The following TMPRSS11F variants were observed in gnomAD, a reference collection of about 807,000 sequenced individuals.
TMPRSS11F encodes transmembrane protease serine 11F.
Under a neutral mutation model 60.2 loss-of-function variants are expected in TMPRSS11F, and 47 were observed. That is an observed-to-expected ratio of 0.78 (90% confidence interval 0.62 to 1.00). The LOEUF is 1.00. Among genes scored for constraint, TMPRSS11F ranks in the 50% least tolerant of loss-of-function variants. The pLI, the probability that TMPRSS11F is intolerant of heterozygous loss-of-function variation, is 0.00. For synonymous variants in TMPRSS11F, 166 were observed against 167.3 expected (o/e 0.99, Z 0.06); for missense variants, 519 against 522.9 (o/e 0.99, Z 0.07).
chr4:68,097,049 A>G (rs911512939), intron 2 of TMPRSS11F, among the ~76,000 whole-genome samples: 1 of 152,156 alleles, frequency 6.6e-6, no homozygotes, highest in Non-Finnish European at 1.5e-5. Context: ...AACTTTTGTC[A>G]TGGTCTACCT....
chr4:68,093,094 T>C (rs1472522310), intron 2 of TMPRSS11F, among the ~76,000 whole-genome samples: 1 of 152,180 alleles, frequency 6.6e-6, no homozygotes, highest in African/African-American at 2.4e-5. Flanking sequence ...AATTCAACAT[T>C]AAATAAGGTT....
chr4:68,065,520 C>T (rs1453643345), intron 7 of TMPRSS11F, among the ~76,000 whole-genome samples: 1 of 152,136 alleles, frequency 6.6e-6, no homozygotes, highest in African/African-American at 2.4e-5. Flanking sequence ...TCTTACTAGA[C>T]TTTCAGTTCT....
intron 1 of TMPRSS11F, among the ~76,000 whole-genome samples, chr4:68,113,460 A>T (rs1724451767): frequency 1.3e-5 from 2 of 152,012 alleles, no homozygotes; most frequent in South Asian, 4.1e-4. Flanking sequence ...AAAGTGAATC[A>T]CAACAAAAAG....
At chr4:68,122,540 T>C (rs1560413533) in intron 1 of TMPRSS11F, among the ~76,000 whole-genome samples, 1 of 152,186 alleles carries the variant, frequency 6.6e-6, no homozygotes, top group South Asian at 2.1e-4. Flanking sequence ...GAAACAATAG[T>C]TTTCTCAACA....
In TMPRSS11F at chr4:68,072,475, T is replaced by C. The variant is rs370912591; in HGVS notation, c.362A>G (p.Gln121Arg). The C allele has an allele frequency of 1.3e-6, 2 of 1,551,168 alleles. No homozygotes were observed. Among genetic ancestry groups the C allele is most frequent in the Non-Finnish European group, 1.7e-6 (2 of 1,145,168 alleles). ...SHVIKLSPDE[Q>R]GVDILIVLIF... ...GAGCACTATAAGAATATCCACACCT[T>C]GTTCATCTGGACTGAAGAACAAAAA... Residue 121 changes from glutamine (Q) to arginine (R), a missense_variant, in exon 5 of 10, where the codon CAA becomes CGA. By Grantham distance (43) the Gln-to-Arg change is conservative. Transcript: ENST00000356291.
At chr4:68,084,623 G>A (rs934434489) in intron 3 of TMPRSS11F, among the ~76,000 whole-genome samples, 2 of 152,178 alleles carry the variant, frequency 1.3e-5, no homozygotes, top group Admixed American at 6.5e-5. Context: ...AAGAGAATTC[G>A]TTACCACTAT....
intron 1 of TMPRSS11F, among the ~76,000 whole-genome samples, chr4:68,119,297 T>C (rs990393967): frequency 1.3e-5 from 2 of 152,116 alleles, no homozygotes; most frequent in African/African-American, 4.8e-5. Context: ...ACCATTTTCA[T>C]AACATAAGAG....
At chr4:68,062,015 A>T (rs1723189747) in intron 8 of TMPRSS11F, 1 of 453,406 alleles carries the variant, frequency 2.2e-6, no homozygotes, top group South Asian at 1.6e-5. Flanking sequence ...CAAAAGGAAC[A>T]TGTCTGAAAT....
chr4:68,102,036 A>G (rs1724202565), intron 1 of TMPRSS11F, among the ~76,000 whole-genome samples: 1 of 151,796 alleles, frequency 6.6e-6, no homozygotes, highest in African/African-American at 2.4e-5. Context: ...TGTATTTTTT[A>G]TTTTTTAAAA....
chr4:68,100,394 C>A (rs1724168514), intron 1 of TMPRSS11F, among the ~76,000 whole-genome samples: 1 of 152,072 alleles, frequency 6.6e-6, no homozygotes, highest in African/African-American at 2.4e-5. Context: ...GGGATTAAGG[C>A]AAGAGTGCAG....
At chr4:68,092,207 AT>A (rs1483016975) in intron 2 of TMPRSS11F, among the ~76,000 whole-genome samples, 2 of 124,412 alleles carry the variant, frequency 1.6e-5, no homozygotes, top group Non-Finnish European at 3.9e-5. Context: ...ATTTAAAAAC[AT>A]TTTTTAGATC....
intron 2 of TMPRSS11F, among the ~76,000 whole-genome samples, chr4:68,093,747 C>G (rs1226411304): frequency 6.6e-6 from 1 of 151,860 alleles, no homozygotes; most frequent in African/African-American, 2.4e-5. Flanking sequence ...AGGACATGAA[C>G]AGACACATCT....
At chr4:68,059,789 C>T (rs973888313) in intron 8 of TMPRSS11F, among the ~76,000 whole-genome samples, 2 of 152,276 alleles carry the variant, frequency 1.3e-5, no homozygotes, top group South Asian at 4.1e-4. Context: ...TAACATTGAT[C>T]TTGTCCAACT....
intron 6 of TMPRSS11F, 77 bp from the exon 7 acceptor site, chr4:68,068,896 A>G: frequency 6.8e-7 from 1 of 1,470,096 alleles, no homozygotes; most frequent in Admixed American, 1.7e-5. Context: ...TTGGTTATAG[A>G]CAATCCTTTG....
intron 8 of TMPRSS11F, among the ~76,000 whole-genome samples, chr4:68,061,512 A>C (rs1442129190): frequency 6.6e-6 from 1 of 152,250 alleles, no homozygotes; most frequent in African/African-American, 2.4e-5. Context: ...AATTGAAGTA[A>C]GAGTGAAGAT....
At chr4:68,067,816 G>T (rs1240665837) in intron 7 of TMPRSS11F, among the ~76,000 whole-genome samples, 1 of 152,206 alleles carries the variant, frequency 6.6e-6, no homozygotes, top group Non-Finnish European at 1.5e-5. Flanking sequence ...TTAATAAGGT[G>T]CAGGGTGCAG....
intron 5 of TMPRSS11F, among the ~76,000 whole-genome samples, chr4:68,070,389 A>G (rs1723431938): frequency 6.6e-6 from 1 of 152,176 alleles, no homozygotes; most frequent in Non-Finnish European, 1.5e-5. Flanking sequence ...ACCAACCTAT[A>G]TGGTTTAGGC....
In TMPRSS11F at chr4:68,091,794, T is replaced by TCTATCTATCTATCTAC. The variant is rs1285573438; in HGVS notation, c.164-1154_164-1153insGTAGATAGATAGATAG. Among the ~76,000 whole-genome samples, 546 of 145,788 alleles carry TCTATCTATCTATCTAC rather than the reference T, an allele frequency of 3.7e-3. 4 individuals carry two copies. The highest frequency in any genetic ancestry group is 0.025 in the Middle Eastern group (7 of 276). On this transcript the variant is annotated intron_variant, in intron 2 of 9. Coordinates refer to ENST00000356291, the MANE Select transcript of TMPRSS11F (RefSeq NM_207407.2). ...CTCTCTCTCTCTCTCTATCTATCTA[T>TCTATCTATCTATCTAC]CTATCTTTTTGAGATGGAGTCTCAC...
intron 1 of TMPRSS11F, among the ~76,000 whole-genome samples, chr4:68,117,363 G>A (rs540694979): frequency 1.3e-5 from 2 of 151,158 alleles, no homozygotes; most frequent in Admixed American, 1.3e-4. Flanking sequence ...GCTGCTCGGG[G>A]GGCTGAGGCA....
Sources: allele counts gnomAD v4.1 joint callset (sites outside exome capture counted in the v4.1 genomes callset), GRCh38; gene constraint gnomAD v4.1.1; transcripts MANE v1.5; gene names NCBI Gene and HGNC (gene_info 2026-07-23, HGNC 2026-07-21).